GSE1: variants seen among roughly 807,000 people sequenced by gnomAD.
GSE1 encodes the protein genetic suppressor element 1.
GSE1 carries 32 observed loss-of-function variants against 112.6 expected under a neutral mutation model. The ratio of observed to expected loss-of-function variants is 0.28; its 90% confidence interval spans 0.21 to 0.38. The LOEUF is 0.38. Among genes scored for constraint, GSE1 ranks in the 10% least tolerant of loss-of-function variants. The pLI is 1.00. For missense variants in GSE1, 2,348 were observed against 1,699.2 expected, an observed-to-expected ratio of 1.38 and a Z score of -6.71; for synonymous variants, 1,115 against 735.6, an observed-to-expected ratio of 1.52 and a Z score of -8.35.
chr16:85,229,382 C>T (rs1348940369), intron 1 of GSE1, among the ~76,000 whole-genome samples: 1 of 152,250 alleles, frequency 6.6e-6, no homozygotes, highest in Non-Finnish European at 1.5e-5. Context: ...GTTCAGCTCA[C>T]TGGGGCCTTG....
intron 1 of GSE1, among the ~76,000 whole-genome samples, chr16:85,186,594 C>A (rs1158666961): frequency 6.7e-6 from 1 of 148,170 alleles, no homozygotes; most frequent in Non-Finnish European, 1.5e-5. Context: ...CAGAGTGAGA[C>A]TCTGTCTCAA....
chr16:85,351,047 C>T (rs1013578112), intron 1 of GSE1, among the ~76,000 whole-genome samples: 5 of 152,070 alleles, frequency 3.3e-5, no homozygotes, highest in African/African-American at 7.2e-5. Flanking sequence ...CCCAAGGTGC[C>T]ACTCTCATTG....
intron 2 of GSE1, among the ~76,000 whole-genome samples, chr16:85,498,844 AC>A (rs1456336738): frequency 6.6e-6 from 1 of 152,192 alleles, no homozygotes; most frequent in Non-Finnish European, 1.5e-5. Flanking sequence ...TGGCCCAGCC[AC>A]CCTTCCCCCT....
chr16:85,632,438 G>T (rs1456729370), intron 1 of GSE1, among the ~76,000 whole-genome samples: 1 of 152,184 alleles, frequency 6.6e-6, no homozygotes, highest in African/African-American at 2.4e-5. Flanking sequence ...CCCTCTATCA[G>T]GAGAGGGAGG....
At chr16:85,310,770 C>G (rs1361129198) in intron 1 of GSE1, among the ~76,000 whole-genome samples, 1 of 151,978 alleles carries the variant, frequency 6.6e-6, no homozygotes, top group African/African-American at 2.4e-5. Context: ...GGAGCAACCT[C>G]TGGCCTGCGT....
intron 1 of GSE1, among the ~76,000 whole-genome samples, chr16:85,606,023 A>G (rs755133725): frequency 6.6e-6 from 1 of 152,042 alleles, no homozygotes; most frequent in East Asian, 1.9e-4. Context: ...AAAGCTACCC[A>G]TGTGCCCATC....
chr16:85,636,933 G>C (rs1419358264), intron 2 of GSE1, among the ~76,000 whole-genome samples: 1 of 152,020 alleles, frequency 6.6e-6, no homozygotes, highest in Non-Finnish European at 1.5e-5. Flanking sequence ...TACCCCCCCA[G>C]CTCCCTGGTG....
chr16:85,527,988 C>T (rs1360541512), intron 2 of GSE1, among the ~76,000 whole-genome samples: 1 of 152,168 alleles, frequency 6.6e-6, no homozygotes, highest in African/African-American at 2.4e-5. Context: ...TCTCACACTC[C>T]AGCAGTTCAC....
chr16:85,336,364 G>C (rs1000247804), intron 1 of GSE1, among the ~76,000 whole-genome samples: 1 of 152,214 alleles, frequency 6.6e-6, no homozygotes, highest in African/African-American at 2.4e-5. Context: ...AGGAGCTCCC[G>C]GCCTAAGCAT....
At chr16:85,634,493 C>G (rs74031897) in intron 2 of GSE1, among the ~76,000 whole-genome samples, 3,180 of 152,304 alleles carry the variant, frequency 0.021, 130 homozygotes, top group African/African-American at 0.073. Flanking sequence ...GAGCTGGGCC[C>G]CAGTGCTCCC....
chr16:85,478,835 TTTA>T (rs1384173661), intron 2 of GSE1, among the ~76,000 whole-genome samples: 2 of 141,190 alleles, frequency 1.4e-5, no homozygotes, highest in East Asian at 4.7e-4. Context: ...GCCCCGCTCA[TTTA>T]TTTTCTTTCT....
chr16:85,273,245 T>C (rs16975456), intron 1 of GSE1, among the ~76,000 whole-genome samples: 12,538 of 152,298 alleles, frequency 0.082, 641 homozygotes, highest in East Asian at 0.26. Flanking sequence ...ACAGTGATGC[T>C]AGGCCATTGA....
At chr16:85,642,306 G>C (rs1217814385) in intron 2 of GSE1, among the ~76,000 whole-genome samples, 2 of 152,240 alleles carry the variant, frequency 1.3e-5, no homozygotes, top group Non-Finnish European at 2.9e-5. Flanking sequence ...GAGAGACCCT[G>C]TCTCTAAAAA....
chr16:85,669,968 A>T (rs540628308), intron 14 of GSE1, among the ~76,000 whole-genome samples: 1 of 152,174 alleles, frequency 6.6e-6, no homozygotes, highest in Admixed American at 6.5e-5. Context: ...TCCCCCAAGG[A>T]CTTTTCCCCT....
chr16:85,423,097 CAG>C (rs567799593), intron 2 of GSE1, among the ~76,000 whole-genome samples: 15 of 152,346 alleles, frequency 9.8e-5, no homozygotes, highest in African/African-American at 3.6e-4. Context: ...TGAAGTGGAG[CAG>C]AGTCAGCTCC....
Position 85,661,199 on chromosome 16 carries a change from G to C in GSE1, c.1694G>C (p.Gly565Ala), listed in dbSNP as rs951419806. The C allele has an allele frequency of 6.2e-7, 1 of 1,605,764 alleles. No individual in the cohort carries two copies. Among genetic ancestry groups the C allele is most frequent in the Non-Finnish European group, 8.5e-7 (1 of 1,174,408 alleles). Reference protein sequence around the residue: ...PGGRDPPQHFGGPPPLISPKP... With the variant: ...PGGRDPPQHFAGPPPLISPKP... The stretch of plus-strand genomic sequence containing the variant: ...GGCCGTGACCCTCCGCAGCACTTTG[G>C]GGGGCCACCACCTCTGATTTCGCCC... Residue 565 changes from glycine (G) to alanine (A), a missense_variant, in exon 9 of 16, where the codon GGG becomes GCG. By Grantham distance (60) the Gly-to-Ala change is moderately conservative. Transcript: ENST00000253458.
chr16:85,665,848 C>G (rs1463531759), intron 12 of GSE1, 128 bp from the exon 13 acceptor site: 2 of 840,344 alleles, frequency 2.4e-6, no homozygotes, highest in Non-Finnish European at 1.9e-6. Context: ...CTTAAATGTT[C>G]CCCGGGTCTT....
intron 2 of GSE1, among the ~76,000 whole-genome samples, chr16:85,524,971 C>A (rs533375664): frequency 1.2e-3 from 190 of 152,292 alleles, no homozygotes; most frequent in African/African-American, 4.4e-3. Context: ...CCCCGCCATG[C>A]CCGCTTCCCC....
chr16:85,246,088 G>T (rs1905634148), intron 1 of GSE1, among the ~76,000 whole-genome samples: 1 of 151,602 alleles, frequency 6.6e-6, no homozygotes, highest in African/African-American at 2.4e-5. Context: ...ATGCTTGTGA[G>T]TTGCAGGAAA....
Sources: allele counts gnomAD v4.1 joint callset (sites outside exome capture counted in the v4.1 genomes callset), GRCh38; gene constraint gnomAD v4.1.1; transcripts MANE v1.5; gene names NCBI Gene and HGNC (gene_info 2026-07-23, HGNC 2026-07-21).